TRIQK: variants seen among roughly 807,000 people sequenced by gnomAD.
The protein encoded by TRIQK is triple QxxK/R motif containing.
A neutral mutation model predicts 10.8 loss-of-function variants in TRIQK; 10 were observed. The ratio of observed to expected loss-of-function variants is 0.92; its 90% CI spans 0.57 to 1.57. The LOEUF is 1.57. Among genes scored for constraint, TRIQK ranks in the 40% most tolerant of loss-of-function variants. The pLI, the probability that TRIQK is intolerant of heterozygous loss-of-function variation, is 0.00. For synonymous variants in TRIQK, 33 were observed against 33.7 expected (o/e 0.98, Z 0.07); for missense variants, 107 against 97.7 (o/e 1.09, Z -0.40).
chr8:93,011,205 C>CACAT lies in TRIQK; in HGVS notation c.-181+6403_-181+6404insATGT, dbSNP rs769949767. ...ACACACACACACACACACACACACA[C>CACAT]ATATATATATATATATACAGGAGGT... On this transcript the variant is annotated intron_variant, in intron 1 of 4. Coordinates refer to the TRIQK transcript ENST00000520686. Among the ~76,000 whole-genome samples the CACAT allele has an allele frequency of 3.8e-3, 456 of 121,546 alleles. 2 individuals are homozygous for CACAT. The highest frequency in any genetic ancestry group is 8.5e-3 in the African/African-American group (297 of 34,754). 79.7% of individuals were successfully genotyped at this position (121,546 alleles called of 152,430 possible). A position where few individuals can be genotyped will look rare whatever the true frequency, so the allele number is the denominator to read the frequency against.
At chr8:92,982,115 T>C (rs912180359) in intron 1 of TRIQK, among the ~76,000 whole-genome samples, 1 of 151,748 alleles carries the variant, frequency 6.6e-6, no homozygotes, top group African/African-American at 2.4e-5. Context: ...CTTAGAAAAA[T>C]AAATATTTAA....
chr8:92,900,940 T>C (rs368803545), intron 3 of TRIQK, among the ~76,000 whole-genome samples: 1 of 152,152 alleles, frequency 6.6e-6, no homozygotes, highest in Admixed American at 6.6e-5. Context: ...GTTTTCATTA[T>C]AGAAATCTTT....
At chr8:93,012,438 A>T (rs1813344377) in intron 1 of TRIQK, among the ~76,000 whole-genome samples, 1 of 152,162 alleles carries the variant, frequency 6.6e-6, no homozygotes, top group African/African-American at 2.4e-5. Context: ...ATGTAGATCC[A>T]GCGTTTTCAG....
chr8:92,898,814 A>G (rs1278895580), intron 3 of TRIQK, among the ~76,000 whole-genome samples: 1 of 123,196 alleles, frequency 8.1e-6, no homozygotes, highest in Non-Finnish European at 1.7e-5. Flanking sequence ...TTTTGCAGGT[A>G]CATAATAGGT....
At chr8:93,005,540 A>G (rs926338230) in intron 1 of TRIQK, among the ~76,000 whole-genome samples, 3 of 152,204 alleles carry the variant, frequency 2.0e-5, no homozygotes, top group Non-Finnish European at 4.4e-5. Flanking sequence ...TAGATTAACA[A>G]TAGGAAGGAC....
At chr8:93,007,834 A>C (rs1051702952) in intron 1 of TRIQK, among the ~76,000 whole-genome samples, 11 of 152,358 alleles carry the variant, frequency 7.2e-5, no homozygotes, top group African/African-American at 2.6e-4. Context: ...CTGTCTAAAT[A>C]AGACAGAGGA....
intron 2 of TRIQK, among the ~76,000 whole-genome samples, chr8:92,919,265 A>C (rs1485879070): frequency 1.3e-5 from 2 of 151,848 alleles, no homozygotes; most frequent in Non-Finnish European, 2.9e-5. Flanking sequence ...GGAGAATGTC[A>C]TTGGTATTTT....
chr8:92,994,402 A>G (rs565534303), intron 1 of TRIQK, among the ~76,000 whole-genome samples: 2 of 92,064 alleles, frequency 2.2e-5, no homozygotes, highest in East Asian at 5.9e-4. Context: ...ATTTTAAAAA[A>G]TTTATTTGTT....
At chr8:92,925,524 T>G (rs1023449727) in intron 2 of TRIQK, among the ~76,000 whole-genome samples, 3 of 152,178 alleles carry the variant, frequency 2.0e-5, no homozygotes, top group Admixed American at 2.0e-4. Context: ...AAAAACTATT[T>G]AATAATGTAA....
intron 1 of TRIQK, among the ~76,000 whole-genome samples, chr8:93,015,900 C>T (rs555341426): frequency 1.3e-5 from 2 of 151,824 alleles, no homozygotes; most frequent in African/African-American, 4.8e-5. Context: ...TGAGTGTTCT[C>T]CACAAAACAC....
intron 2 of TRIQK, among the ~76,000 whole-genome samples, chr8:92,949,097 A>G (rs1443282241): frequency 6.6e-6 from 1 of 152,152 alleles, no homozygotes; most frequent in Non-Finnish European, 1.5e-5. Context: ...CTGTCCATAA[A>G]TCTTCCACCA....
At chr8:92,917,933 G>A (rs554807497) in intron 2 of TRIQK, among the ~76,000 whole-genome samples, 2 of 151,972 alleles carry the variant, frequency 1.3e-5, no homozygotes, top group South Asian at 4.2e-4. Flanking sequence ...CTACCTCCAT[G>A]AGATCCACTT....
chr8:92,892,361 A>G (rs1431426049), intron 3 of TRIQK, among the ~76,000 whole-genome samples: 1 of 151,986 alleles, frequency 6.6e-6, no homozygotes, highest in African/African-American at 2.4e-5. Flanking sequence ...TAAAGAAAAT[A>G]AAACTTTTGG....
intron 3 of TRIQK, among the ~76,000 whole-genome samples, chr8:92,904,150 A>G (rs1185306748): frequency 6.6e-6 from 1 of 152,056 alleles, no homozygotes; most frequent in African/African-American, 2.4e-5. Context: ...TTAAAAAAAA[A>G]TCAATTCCTA....
At chr8:92,888,290 T>C (rs956292335) in intron 4 of TRIQK, among the ~76,000 whole-genome samples, 1 of 151,676 alleles carries the variant, frequency 6.6e-6, no homozygotes, top group South Asian at 2.1e-4. Context: ...TCAGTTCTAA[T>C]TGCTGCTTTT....
At position 92,884,523 on chromosome 8, in the gene TRIQK, T is replaced by C. The variant is rs1816370844; in HGVS notation, c.*2099A>G. Reference sequence around the variant, plus strand: ...ATCAATAAAACTAGGCAGTGAAATTTGCCTATAATTATACTATATTTAGAT... The same window carrying C: ...ATCAATAAAACTAGGCAGTGAAATTCGCCTATAATTATACTATATTTAGAT... On this transcript the variant is annotated 3_prime_UTR_variant, in exon 5 of 5. Coordinates refer to ENST00000521988, the MANE Select transcript of TRIQK (RefSeq NM_001171797.2). The C allele has an allele frequency of 3.6e-6, 1 of 274,172 alleles. No individual in the cohort carries two copies. The highest frequency in any genetic ancestry group is 9.3e-5 in the East Asian group (1 of 10,778). 17.0% of individuals were successfully genotyped at this position (274,172 alleles called of 1,614,324 possible).
intron 3 of TRIQK, among the ~76,000 whole-genome samples, chr8:92,912,168 T>C (rs995448930): frequency 2.2e-4 from 34 of 151,752 alleles, no homozygotes; most frequent in African/African-American, 8.0e-4. Context: ...ATAAATCACA[T>C]GCTAGGTCAC....
chr8:92,971,702 C>A, intron 1 of TRIQK, among the ~76,000 whole-genome samples: 1 of 152,136 alleles, frequency 6.6e-6, no homozygotes, highest in Admixed American at 6.6e-5. Flanking sequence ...ATATCAATAT[C>A]CTGAAAATGG....
intron 1 of TRIQK, among the ~76,000 whole-genome samples, chr8:93,010,869 C>A (rs1247500076): frequency 1.3e-5 from 2 of 152,140 alleles, no homozygotes; most frequent in African/African-American, 4.8e-5. Flanking sequence ...ATATATGCTT[C>A]ATTCATGCTA....
Sources: allele counts gnomAD v4.1 joint callset (sites outside exome capture counted in the v4.1 genomes callset), GRCh38; gene constraint gnomAD v4.1.1; transcripts MANE v1.5; gene names NCBI Gene and HGNC (gene_info 2026-07-23, HGNC 2026-07-21).